The following TEX9 variants were observed in gnomAD, a reference collection of about 807,000 sequenced individuals.
TEX9 encodes testis-expressed protein 9.
In TEX9, 74 loss-of-function variants were observed where a neutral mutation model predicts 59.6. That is an observed-to-expected ratio of 1.24 (90% confidence interval 1.03 to 1.51). TEX9 has a LOEUF of 1.51. Ranked by LOEUF, TEX9 falls within the 40% of genes most tolerant of loss-of-function variation. The pLI, the probability that TEX9 is intolerant of heterozygous loss-of-function variation, is 0.00. For synonymous variants in TEX9, 186 were observed against 152.2 expected, an observed-to-expected ratio of 1.22 and a Z score of -1.64; for missense variants, 522 against 447.8, an observed-to-expected ratio of 1.17 and a Z score of -1.49.
At chr15:56,394,880 A>G (rs990984702) in intron 9 of TEX9, 46 bp downstream of exon 9, 8 of 1,561,854 alleles carry the variant, frequency 5.1e-6, no homozygotes, top group Non-Finnish European at 6.1e-6. Flanking sequence ...AGATACAAGA[A>G]AATTATTAAG....
chr15:56,289,613 G>A (rs1342699230), intron 1 of TEX9, among the ~76,000 whole-genome samples: 2 of 152,170 alleles, frequency 1.3e-5, no homozygotes, highest in African/African-American at 4.8e-5. Context: ...AGGTTCTCCT[G>A]GTTTCTTTTG....
At chr15:56,413,069 C>G in intron 10 of TEX9, among the ~76,000 whole-genome samples, 1 of 151,816 alleles carries the variant, frequency 6.6e-6, no homozygotes, top group East Asian at 1.9e-4. Flanking sequence ...AGTTCAAATA[C>G]CAATGTTCAT....
chr15:56,252,991 G>T (rs969253184), intron 1 of TEX9, among the ~76,000 whole-genome samples: 4 of 151,964 alleles, frequency 2.6e-5, no homozygotes, highest in Admixed American at 6.6e-5. Flanking sequence ...TTTCTGGAAG[G>T]TAGAGAGGAG....
intron 1 of TEX9, among the ~76,000 whole-genome samples, chr15:56,358,123 G>C (rs1474848699): frequency 6.6e-6 from 1 of 152,118 alleles, no homozygotes; most frequent in African/African-American, 2.4e-5. Flanking sequence ...TTAGCACAGA[G>C]GTCTCAGATT....
intron 3 of TEX9, among the ~76,000 whole-genome samples, chr15:56,382,656 T>C (rs1025669948): frequency 6.6e-5 from 10 of 152,162 alleles, no homozygotes; most frequent in African/African-American, 1.9e-4. Flanking sequence ...AGAAATGTCA[T>C]TTAGGAGCTA....
chr15:56,319,194 C>A (rs1381842164), intron 1 of TEX9, among the ~76,000 whole-genome samples: 3 of 151,800 alleles, frequency 2.0e-5, no homozygotes, highest in Non-Finnish European at 4.4e-5. Context: ...CAGGACCAAC[C>A]CCTCTGTGAT....
exon 3 of TEX9, chr15:56,373,497 A>G: frequency 6.4e-7 from 1 of 1,565,860 alleles, no homozygotes; most frequent in South Asian, 1.2e-5. Flanking sequence ...CAAGCTAAGG[A>G]AATAATAGTA....
At chr15:56,444,560 G>C in intron 12 of TEX9, 1 of 1,612,250 alleles carries the variant, frequency 6.2e-7, no homozygotes, top group South Asian at 1.1e-5. Flanking sequence ...GTTTCTCTAA[G>C]TCAAGATAGT....
At chr15:56,253,004 G>A (rs530241968) in intron 1 of TEX9, among the ~76,000 whole-genome samples, 18 of 152,220 alleles carry the variant, frequency 1.2e-4, no homozygotes, top group African/African-American at 4.3e-4. Context: ...GAGAGGAGAA[G>A]GGAAGGAATA....
At chr15:56,265,959 C>A (rs1472024777) in intron 1 of TEX9, among the ~76,000 whole-genome samples, 1 of 152,062 alleles carries the variant, frequency 6.6e-6, no homozygotes. Flanking sequence ...TGATATGATA[C>A]CACAGTTCTT....
intron 1 of TEX9, among the ~76,000 whole-genome samples, chr15:56,319,452 A>T (rs1268304173): frequency 6.6e-6 from 1 of 151,988 alleles, no homozygotes; most frequent in Admixed American, 6.6e-5. Context: ...CAGATTTCAG[A>T]ACTTAGAGTA....
the TEX9 span, among the ~76,000 whole-genome samples, chr15:56,460,009 A>AAAAAAAAATATAT: frequency 1.0e-3 from 27 of 26,382 alleles, 5 homozygotes; most frequent in African/African-American, 2.3e-3. Flanking sequence ...AAAAAAAAAA[A>AAAAAAAAATATAT]ATACATATAT....
At chr15:56,246,275 C>G (rs1394522013) in intron 1 of TEX9, among the ~76,000 whole-genome samples, 1 of 152,120 alleles carries the variant, frequency 6.6e-6, no homozygotes, top group African/African-American at 2.4e-5. Context: ...TCCGGCCTTC[C>G]AGGACCTACA....
intron 1 of TEX9, among the ~76,000 whole-genome samples, chr15:56,334,048 A>C (rs2046211001): frequency 6.6e-6 from 1 of 152,182 alleles, no homozygotes; most frequent in Non-Finnish European, 1.5e-5. Flanking sequence ...TCATGTTTAT[A>C]AATTGAAAGA....
chr15:56,250,894 G>C (rs1227740739), intron 1 of TEX9, among the ~76,000 whole-genome samples: 1 of 152,148 alleles, frequency 6.6e-6, no homozygotes, highest in East Asian at 1.9e-4. Flanking sequence ...TGCAAAATAC[G>C]TACCTTTACA....
At chr15:56,281,437 C>T (rs2044817592) in intron 1 of TEX9, among the ~76,000 whole-genome samples, 1 of 152,216 alleles carries the variant, frequency 6.6e-6, no homozygotes, top group African/African-American at 2.4e-5. Flanking sequence ...TCAAAGGAGC[C>T]CGAACCCTTC....
chr15:56,344,828 C>T (rs1353602806), intron 1 of TEX9, among the ~76,000 whole-genome samples: 3 of 151,294 alleles, frequency 2.0e-5, no homozygotes, highest in Non-Finnish European at 4.4e-5. Flanking sequence ...ATTAAGAATA[C>T]ACTGGGAACA....
intron 1 of TEX9, among the ~76,000 whole-genome samples, chr15:56,296,511 T>G (rs1264606057): frequency 1.2e-4 from 19 of 152,290 alleles, no homozygotes; most frequent in African/African-American, 3.9e-4. Flanking sequence ...AATGTAACAT[T>G]TAAAAAGAAT....
At chr15:56,427,478 T>TTATC (rs1182913710) in intron 10 of TEX9, 127 bp from the exon 11 acceptor site, 6 of 593,284 alleles carry the variant, frequency 1.0e-5, no homozygotes, top group Non-Finnish European at 1.5e-5. Context: ...AAAGCAATTT[T>TTATC]TATCTACAAA....
Sources: gnomAD v4.1 joint callset for allele counts (sites outside exome capture counted in the v4.1 genomes callset) on GRCh38, gnomAD v4.1.1 for gene constraint, MANE v1.5 for transcripts, NCBI Gene and HGNC (gene_info 2026-07-23, HGNC 2026-07-21) for gene names.